The following CSMD1 variants were observed in gnomAD, a reference collection of about 807,000 sequenced individuals.
CSMD1 encodes the protein CUB and Sushi multiple domains 1, also known as CUB and sushi domain-containing protein 1.
CSMD1 carries 213 observed loss-of-function variants against 417.5 expected under a neutral mutation model. The observed-to-expected ratio is 0.51, with a 90% confidence interval of 0.46 to 0.57. The LOEUF (loss-of-function observed/expected upper bound fraction) is 0.57, where lower values mean the gene tolerates loss of function less well. Among genes scored for constraint, CSMD1 ranks in the 20% least tolerant of loss-of-function variants. CSMD1 has a pLI of 0.00. For synonymous variants in CSMD1, 2,862 were observed against 1,736.8 expected (o/e 1.65, Z -16.11); for missense variants, 6,923 against 4,529.7 (o/e 1.53, Z -15.17).
At chr8:4,698,662 G>T (rs1807296537) in intron 1 of CSMD1, among the ~76,000 whole-genome samples, 2 of 149,856 alleles carry the variant, frequency 1.3e-5, no homozygotes, top group Non-Finnish European at 3.0e-5. Flanking sequence ...GAGAAGACAG[G>T]AAGACAGAAG....
At chr8:3,917,214 G>A (rs148284047) in intron 5 of CSMD1, among the ~76,000 whole-genome samples, 38 of 152,290 alleles carry the variant, frequency 2.5e-4, no homozygotes, top group African/African-American at 8.7e-4. Flanking sequence ...TGTTTCCCAT[G>A]AGCCATTTCC....
intron 5 of CSMD1, among the ~76,000 whole-genome samples, chr8:3,864,989 G>A (rs1307211104): frequency 1.3e-5 from 2 of 152,190 alleles, no homozygotes; most frequent in Non-Finnish European, 2.9e-5. Flanking sequence ...GACATCATCT[G>A]CTTTAGTCTG....
At chr8:4,976,139 G>C (rs184524991) in intron 1 of CSMD1, among the ~76,000 whole-genome samples, 11 of 152,124 alleles carry the variant, frequency 7.2e-5, no homozygotes, top group Admixed American at 2.6e-4. Context: ...GGGAAGAACA[G>C]ACACTGGAGA....
intron 41 of CSMD1, among the ~76,000 whole-genome samples, chr8:3,137,616 C>G (rs990886104): frequency 2.0e-5 from 3 of 152,228 alleles, no homozygotes; most frequent in African/African-American, 7.2e-5. Flanking sequence ...GGTGCATTTT[C>G]ATAAAATCTA....
chr8:4,625,415 G>A (rs962411155), intron 2 of CSMD1, among the ~76,000 whole-genome samples: 5 of 152,106 alleles, frequency 3.3e-5, no homozygotes, highest in Middle Eastern at 6.8e-3. Flanking sequence ...TGAAGCAGTC[G>A]CCTCTTTGAG....
At chr8:4,887,870 T>C (rs1431158440) in intron 1 of CSMD1, among the ~76,000 whole-genome samples, 2 of 152,046 alleles carry the variant, frequency 1.3e-5, no homozygotes, top group Admixed American at 6.5e-5. Context: ...ATGACTGATA[T>C]TTGCATAATG....
chr8:4,711,304 A>T (rs1808280279), intron 1 of CSMD1, among the ~76,000 whole-genome samples: 1 of 152,218 alleles, frequency 6.6e-6, no homozygotes, highest in African/African-American at 2.4e-5. Flanking sequence ...CTATTTATCC[A>T]ATAAACTGAA....
chr8:4,544,482 CT>C (rs1415931090), intron 2 of CSMD1, among the ~76,000 whole-genome samples: 1 of 151,900 alleles, frequency 6.6e-6, no homozygotes, highest in Non-Finnish European at 1.5e-5. Flanking sequence ...TAAAAATTGA[CT>C]TTTATTTTAG....
At chr8:4,060,233 A>T (rs945766609) in intron 3 of CSMD1, among the ~76,000 whole-genome samples, 5 of 39,848 alleles carry the variant, frequency 1.3e-4, no homozygotes, top group African/African-American at 2.4e-4. Flanking sequence ...GCCTTTGACA[A>T]AATTCAACAA....
intron 3 of CSMD1, among the ~76,000 whole-genome samples, chr8:4,101,303 T>A (rs1247906463): frequency 1.3e-5 from 2 of 152,198 alleles, no homozygotes; most frequent in East Asian, 3.9e-4. Flanking sequence ...GTTAAAGAGT[T>A]TCACTTGAAC....
chr8:4,791,670 G>C lies in CSMD1; in HGVS notation c.86-154112C>G, dbSNP rs138235235. 4.7e-4 allele frequency among the ~76,000 whole-genome samples: 72 copies of C among 152,290 alleles called. 2 individuals are homozygous for C. The East Asian group carries it at 0.013, about 27-fold the overall frequency. On this transcript the variant is annotated intron_variant, in intron 1 of 69. Transcript: ENST00000635120. Reference sequence around the variant, plus strand: ...GGGCCCAACACAGAAGGCTAGTTAAGACATGGAGAGAGAGGCCAGGATCTG... The same window carrying C: ...GGGCCCAACACAGAAGGCTAGTTAACACATGGAGAGAGAGGCCAGGATCTG...
intron 3 of CSMD1, among the ~76,000 whole-genome samples, chr8:4,227,835 C>G (rs141688110): frequency 6.6e-6 from 1 of 151,064 alleles, no homozygotes; most frequent in Non-Finnish European, 1.5e-5. Flanking sequence ...ACTCTCCATC[C>G]TGCATTAAAC....
At chr8:3,245,387 G>C (rs997963740) in intron 26 of CSMD1, among the ~76,000 whole-genome samples, 1 of 152,148 alleles carries the variant, frequency 6.6e-6, no homozygotes, top group African/African-American at 2.4e-5. Context: ...AGGAGATAAA[G>C]GACCAGACTT....
At chr8:4,017,834 G>C (rs1425609634) in intron 4 of CSMD1, among the ~76,000 whole-genome samples, 1 of 152,098 alleles carries the variant, frequency 6.6e-6, no homozygotes, top group Non-Finnish European at 1.5e-5. Flanking sequence ...TCAGCTGTTT[G>C]GGTGACTGTA....
intron 23 of CSMD1, among the ~76,000 whole-genome samples, chr8:3,317,729 T>G (rs1457900161): frequency 1.3e-5 from 2 of 152,240 alleles, no homozygotes; most frequent in African/African-American, 4.8e-5. Flanking sequence ...TCATGCCTTG[T>G]ACACATTTTA....
In CSMD1 at chr8:4,635,595, C is replaced by G. The variant is rs547229470; in HGVS notation, c.302+1747G>C. Among the ~76,000 whole-genome samples, 8 of 152,140 alleles carry G rather than the reference C, an allele frequency of 5.3e-5. No individual in the cohort carries two copies. In the South Asian group the frequency reaches 1.0e-3, roughly 20 times the overall value. ...TGGAAAGGTAAAGTCATAATTTTAA[C>G]GTAGAGTCACACACATTGGCATTTG... On this transcript the variant is annotated intron_variant, in intron 2 of 69. Coordinates refer to ENST00000635120, the MANE Select transcript of CSMD1 (RefSeq NM_033225.6).
intron 3 of CSMD1, among the ~76,000 whole-genome samples, chr8:4,218,286 G>C (rs1800806289): frequency 6.6e-6 from 1 of 152,140 alleles, no homozygotes; most frequent in Non-Finnish European, 1.5e-5. Flanking sequence ...ATACATCCAA[G>C]TTTGACTTTC....
chr8:3,154,313 G>C (rs1415826864), intron 39 of CSMD1, among the ~76,000 whole-genome samples: 1 of 152,218 alleles, frequency 6.6e-6, no homozygotes, highest in East Asian at 1.9e-4. Context: ...CCATGTCTTA[G>C]ATTGGTTCAG....
chr8:3,963,444 C>G (rs1812459024), intron 5 of CSMD1, among the ~76,000 whole-genome samples: 2 of 151,988 alleles, frequency 1.3e-5, no homozygotes, highest in Non-Finnish European at 2.9e-5. Flanking sequence ...GTCTCTTTGT[C>G]CAACTTAAGG....
Sources: allele counts gnomAD v4.1 joint callset (sites outside exome capture counted in the v4.1 genomes callset), GRCh38; gene constraint gnomAD v4.1.1; transcripts MANE v1.5; gene names NCBI Gene and HGNC (gene_info 2026-07-23, HGNC 2026-07-21).